Variants in FHIT observed in about 807,000 individuals in gnomAD.
The protein encoded by FHIT is bis(5'-adenosyl)-triphosphatase.
Under a neutral mutation model 17.9 loss-of-function variants are expected in FHIT, and 19 were observed. The ratio of observed to expected loss-of-function variants is 1.06; its 90% confidence interval spans 0.74 to 1.56. The LOEUF (loss-of-function observed/expected upper bound fraction) is 1.56, where lower values mean the gene tolerates loss of function less well. FHIT is among the 40% of genes most tolerant of loss of function. FHIT has a pLI of 0.00. For missense variants in FHIT, 248 were observed against 189.2 expected, an observed-to-expected ratio of 1.31 and a Z score of -1.82; for synonymous variants, 81 against 69.7, an observed-to-expected ratio of 1.16 and a Z score of -0.81.
chr3:60,268,417 TATCC>T (rs1706693914), intron 5 of FHIT, among the ~76,000 whole-genome samples: 1 of 152,200 alleles, frequency 6.6e-6, no homozygotes. Flanking sequence ...TATGGCTGTA[TATCC>T]TAATGTGTTG....
chr3:60,606,406 A>C (rs2038610067), intron 4 of FHIT, among the ~76,000 whole-genome samples: 1 of 151,800 alleles, frequency 6.6e-6, no homozygotes, highest in African/African-American at 2.4e-5. Context: ...ATGCCCAGGT[A>C]ATTTTTTGTG....
intron 7 of FHIT, among the ~76,000 whole-genome samples, chr3:59,937,902 C>T (rs1279893370): frequency 1.3e-5 from 2 of 152,158 alleles, no homozygotes; most frequent in African/African-American, 4.8e-5. Context: ...TTAAGGGTTA[C>T]ATTTTCCTTC....
chr3:60,630,952 AAAAAC>A (rs1208771583), intron 4 of FHIT, among the ~76,000 whole-genome samples: 1,457 of 113,134 alleles, frequency 0.013, 33 homozygotes, highest in African/African-American at 0.043. Context: ...AAAAAAAAAA[AAAAAC>A]ACACAGAAAT....
At chr3:60,874,672 C>T (rs1553755906) in intron 3 of FHIT, among the ~76,000 whole-genome samples, 1 of 152,148 alleles carries the variant, frequency 6.6e-6, no homozygotes, top group Non-Finnish European at 1.5e-5. Context: ...CTTCTGCGGG[C>T]CTCCTCTCCC....
intron 7 of FHIT, among the ~76,000 whole-genome samples, chr3:59,963,296 G>T (rs928416658): frequency 5.8e-5 from 7 of 120,786 alleles, no homozygotes; most frequent in Non-Finnish European, 1.2e-4. Flanking sequence ...AATAATAAAA[G>T]AAAAGAAAAA....
chr3:59,933,625 T>A (rs914409067), intron 7 of FHIT, among the ~76,000 whole-genome samples: 4 of 152,256 alleles, frequency 2.6e-5, no homozygotes, highest in Middle Eastern at 3.4e-3. Flanking sequence ...CCTGAGTAAA[T>A]AACTAATGTC....
At chr3:59,953,033 T>A (rs982472855) in intron 7 of FHIT, among the ~76,000 whole-genome samples, 3 of 151,950 alleles carry the variant, frequency 2.0e-5, no homozygotes, top group African/African-American at 7.3e-5. Flanking sequence ...CCCCGAAGTG[T>A]GTGTCTGGGT....
At chr3:60,731,989 C>A (rs1291060302) in intron 4 of FHIT, among the ~76,000 whole-genome samples, 1 of 152,122 alleles carries the variant, frequency 6.6e-6, no homozygotes, top group Non-Finnish European at 1.5e-5. Context: ...CTTAACTCTG[C>A]AATCCAGCTA....
In FHIT at chr3:60,848,287, G is replaced by T. The variant is rs141504574; in HGVS notation, c.-110-26276C>A. On this transcript the variant is annotated intron_variant, in intron 3 of 9. Coordinates refer to ENST00000492590, the MANE Select transcript of FHIT (RefSeq NM_002012.4). Reference sequence around the variant, plus strand: ...AGCACAGTTCTTCTACATTTACAGGGGTTTTCATTTAGAAACTATTGAGAA... The same window carrying T: ...AGCACAGTTCTTCTACATTTACAGGTGTTTTCATTTAGAAACTATTGAGAA... Among the ~76,000 whole-genome samples the T allele has an allele frequency of 3.3e-5, 5 of 152,044 alleles. No individual in the cohort carries two copies. In the East Asian group the frequency reaches 9.7e-4, roughly 29 times the overall value.
chr3:60,916,013 C>A (rs1019717005), intron 3 of FHIT, among the ~76,000 whole-genome samples: 1 of 152,108 alleles, frequency 6.6e-6, no homozygotes, highest in African/African-American at 2.4e-5. Context: ...ATTTCCATGA[C>A]TACAAATAAT....
intron 5 of FHIT, among the ~76,000 whole-genome samples, chr3:60,454,002 T>C (rs1351488775): frequency 6.6e-6 from 1 of 152,118 alleles, no homozygotes; most frequent in Non-Finnish European, 1.5e-5. Flanking sequence ...CAAGAGAAGA[T>C]GCCATGTTCA....
intron 2 of FHIT, among the ~76,000 whole-genome samples, chr3:61,096,118 C>A (rs2035630391): frequency 6.6e-6 from 1 of 152,178 alleles, no homozygotes. Flanking sequence ...TTTCACCAAA[C>A]CCTCAGGGCT....
intron 5 of FHIT, among the ~76,000 whole-genome samples, chr3:60,252,056 T>C (rs1410166137): frequency 6.6e-6 from 1 of 152,194 alleles, no homozygotes; most frequent in East Asian, 1.9e-4. Flanking sequence ...GTGCCAAGTA[T>C]TTCCATATAT....
At chr3:60,665,578 C>A (rs1461857649) in intron 4 of FHIT, among the ~76,000 whole-genome samples, 1 of 151,880 alleles carries the variant, frequency 6.6e-6, no homozygotes, top group Non-Finnish European at 1.5e-5. Flanking sequence ...TTATCAGATA[C>A]TAGTATAAGC....
rs1663588715 is a variant in FHIT at position 59,748,997 on chromosome 3, C to CCTAAGA, written c.*582_*587dup. ...CATGAATGTCTTTAAACTTGCTCTG[C>CCTAAGA]CTAAGACTAGCTTGCTGCTGAGGGA... On this transcript the variant is annotated 3_prime_UTR_variant, in exon 10 of 10. Transcript: ENST00000492590. Among the ~76,000 whole-genome samples, 1 of 152,140 alleles carries CCTAAGA rather than the reference C, an allele frequency of 6.6e-6. No individual in the cohort carries two copies. The highest frequency in any genetic ancestry group is 2.1e-4 in the South Asian group (1 of 4,828).
chr3:60,474,691 T>C (rs1439282486), intron 5 of FHIT, among the ~76,000 whole-genome samples: 2 of 151,828 alleles, frequency 1.3e-5, no homozygotes, highest in Admixed American at 1.3e-4. Context: ...TGGCACAATC[T>C]CGGCTCACCA....
chr3:60,801,911 A>C (rs897949238), intron 4 of FHIT, among the ~76,000 whole-genome samples: 14 of 152,238 alleles, frequency 9.2e-5, no homozygotes, highest in Admixed American at 2.6e-4. Flanking sequence ...CAACAAATTA[A>C]GTAAAAATGA....
At chr3:61,014,741 C>T (rs111952875) in intron 3 of FHIT, among the ~76,000 whole-genome samples, 9,706 of 132,840 alleles carry the variant, frequency 0.073, 394 homozygotes, top group East Asian at 0.17. Flanking sequence ...GATCGCACCA[C>T]TGCACTCCAG....
intron 5 of FHIT, among the ~76,000 whole-genome samples, chr3:60,339,762 T>C (rs1710424251): frequency 6.6e-6 from 1 of 152,166 alleles, no homozygotes; most frequent in African/African-American, 2.4e-5. Flanking sequence ...AGAAACCAAC[T>C]CAAGCTCTGG....
Sources: allele counts gnomAD v4.1 joint callset (sites outside exome capture counted in the v4.1 genomes callset), GRCh38; gene constraint gnomAD v4.1.1; transcripts MANE v1.5; gene names NCBI Gene and HGNC (gene_info 2026-07-23, HGNC 2026-07-21).